Variants in LPO observed in about 807,000 individuals in gnomAD.
LPO encodes lactoperoxidase, also known as salivary peroxidase.
LPO carries 70 observed loss-of-function variants against 68.4 expected under a neutral mutation model. The observed-to-expected ratio is 1.02, with a 90% CI of 0.84 to 1.25. The LOEUF (loss-of-function observed/expected upper bound fraction) is 1.25. Ranked by LOEUF, LPO falls within the 50% of genes most tolerant of loss-of-function variation. The pLI is 0.00. For missense variants in LPO, 873 were observed against 908.4 expected, an observed-to-expected ratio of 0.96 and a Z score of 0.50; for synonymous variants, 360 against 357.6, an observed-to-expected ratio of 1.01 and a Z score of -0.08.
intron 8 of LPO, 99 bp from the exon 9 acceptor site, chr17:58,254,711 GC>G (rs1970036420): frequency 1.7e-6 from 2 of 1,165,736 alleles, no homozygotes; most frequent in Admixed American, 2.3e-5. Context: ...GGCGGGGGGG[GC>G]GGGGCGCGGT....
chr17:58,249,446 G>A, intron 5 of LPO, 120 bp from the exon 6 acceptor site: 1 of 1,413,966 alleles, frequency 7.1e-7, no homozygotes. Context: ...CCAAATTTGA[G>A]AGGCCCCCTT....
At position 58,260,874 on chromosome 17, in the gene LPO, G is replaced by A. The variant is rs189672087; in HGVS notation, c.1267-3848G>A. 2.6e-5 allele frequency among the ~76,000 whole-genome samples: 4 copies of A among 151,908 alleles called. No individual in the cohort carries two copies. The East Asian group carries it at 5.8e-4, about 22-fold the overall frequency. On this transcript the variant is annotated intron_variant, in intron 9 of 12. Transcript: ENST00000262290. ...GTAGGTATTTTTTAAGTTTCCTTTC[G>A]GACTTCATCTTTAACCTATGTATAA...
chr17:58,263,623 C>T (rs770731212), intron 9 of LPO, among the ~76,000 whole-genome samples: 4 of 152,058 alleles, frequency 2.6e-5, no homozygotes, highest in Non-Finnish European at 5.9e-5. Flanking sequence ...CCTGTGGTCT[C>T]AGCTACTTGG....
intron 3 of LPO, among the ~76,000 whole-genome samples, chr17:58,245,472 C>T (rs1218789101): frequency 2.6e-5 from 4 of 152,282 alleles, no homozygotes; most frequent in Admixed American, 2.6e-4. Flanking sequence ...AGCTCTAACC[C>T]TCTCTGCCTG....
chr17:58,256,586 T>C (rs144725234), intron 9 of LPO, among the ~76,000 whole-genome samples: 5,892 of 151,696 alleles, frequency 0.039, 386 homozygotes, highest in African/African-American at 0.13. Context: ...GAGGCTGAGG[T>C]GAGCAGATCA....
intron 9 of LPO, among the ~76,000 whole-genome samples, chr17:58,262,408 G>C (rs1027228622): frequency 1.3e-5 from 2 of 152,154 alleles, no homozygotes; most frequent in African/African-American, 4.8e-5. Context: ...TTGTTTCTTT[G>C]AGACAGAGTC....
At chr17:58,267,611 G>T in intron 12 of LPO, 25 bp downstream of exon 12, 1 of 1,578,786 alleles carries the variant, frequency 6.3e-7, no homozygotes, top group South Asian at 1.2e-5. Flanking sequence ...AGCCAGGGAG[G>T]GAAGGGCAGG....
In LPO at chr17:58,268,115, C is replaced by A; in HGVS notation, c.*121C>A. 1.9e-6 allele frequency: 2 copies of A among 1,029,552 alleles called. No individual in the cohort carries two copies. Among genetic ancestry groups the A allele is most frequent in the Non-Finnish European group, 2.8e-6 (2 of 706,666 alleles). 63.8% of individuals were successfully genotyped at this position (1,029,552 alleles called of 1,614,324 possible). ...AGCCCTTCTTTGCAGCTGGGCCTCT[C>A]TATACCCCTGGATGAACAGCTTGCT... is the stretch of plus-strand genomic sequence containing the variant. On this transcript the variant is annotated 3_prime_UTR_variant, in exon 13 of 13. Coordinates refer to ENST00000262290, the MANE Select transcript of LPO (RefSeq NM_006151.3).
In LPO at chr17:58,252,264, C is replaced by T. The variant is rs1969973035; in HGVS notation, c.863C>T (p.Pro288Leu). Reference sequence around the variant, plus strand: ...GCTGGGTTCGTCTGCCCCACTCCACCCTACAAGTCCCTGGCCCGAGAGCAG... The same window carrying T: ...GCTGGGTTCGTCTGCCCCACTCCACTCTACAAGTCCCTGGCCCGAGAGCAG... ...FRAGFVCPTP[P>L]YKSLAREQIN... is the part of the protein sequence containing the mutation. Residue 288 changes from proline (P) to leucine (L), a missense_variant, in exon 8 of 13, where the codon CCC (proline) becomes CTC (leucine). Physicochemically the swap from Pro to Leu is moderately conservative, Grantham distance 98. Transcript: ENST00000262290. 2 of 1,614,076 alleles carry T rather than the reference C, an allele frequency of 1.2e-6. No homozygotes were observed. Among genetic ancestry groups the T allele is most frequent in the Non-Finnish European group, 1.7e-6 (2 of 1,180,048 alleles).
At chr17:58,243,812 T>C (rs1204749903) in intron 2 of LPO, 182 bp from the exon 3 acceptor site, 3 of 604,364 alleles carry the variant, frequency 5.0e-6, no homozygotes, top group South Asian at 2.0e-5. Flanking sequence ...CCAAGAGTAT[T>C]CTTCCCATTC....
Position 58,250,492 on chromosome 17 carries a change from C to T in LPO, c.651C>T (p.Phe217=). Residue 217 remains phenylalanine, a synonymous_variant, in exon 7 of 13, where the codon TTC becomes TTT. Coordinates refer to ENST00000262290, the MANE Select transcript of LPO (RefSeq NM_006151.3). The part of the protein sequence containing the change: ...GVLDQNRSLL[F]MQWGQIVDHD... ...TGGACCAAAACAGGTCCCTGCTCTT[C>T]ATGCAGTGGGGTCAGATTGTGGATC... 1.2e-6 allele frequency: 2 copies of T among 1,614,186 alleles called. No individual in the cohort carries two copies. The highest frequency in any genetic ancestry group is 4.5e-5 in the East Asian group (2 of 44,878).
At chr17:58,249,002 C>T in intron 4 of LPO, 58 bp from the exon 5 acceptor site, 1 of 1,339,064 alleles carries the variant, frequency 7.5e-7, no homozygotes, top group Non-Finnish European at 1.1e-6. Flanking sequence ...TCCTGCCTCC[C>T]ACGGGTGCCT....
intron 2 of LPO, 151 bp from the exon 3 acceptor site, chr17:58,243,843 A>C: frequency 1.6e-6 from 1 of 623,454 alleles, no homozygotes; most frequent in East Asian, 2.7e-5. Context: ...CCCCTTAAGG[A>C]CTCTTATGAA....
At chr17:58,256,407 GTT>G (rs34122568) in intron 9 of LPO, among the ~76,000 whole-genome samples, 8 of 138,674 alleles carry the variant, frequency 5.8e-5, no homozygotes, top group East Asian at 2.1e-4. Flanking sequence ...ATTTTTAGGT[GTT>G]TTTTTTTTTT....
At chr17:58,250,650 C>T in intron 7 of LPO, 29 bp downstream of exon 7, 1 of 1,606,448 alleles carries the variant, frequency 6.2e-7, no homozygotes, top group Non-Finnish European at 8.5e-7. Context: ...GCATCTCTGA[C>T]TAGCCCCTTG....
At chr17:58,247,735 A>AT in intron 4 of LPO, 97 bp downstream of exon 4, 1 of 1,350,964 alleles carries the variant, frequency 7.4e-7, no homozygotes, top group East Asian at 2.3e-5. Flanking sequence ...GTTGAGAGCT[A>AT]TCTACTCAGA....
At chr17:58,258,576 ATTC>A (rs1970115714) in intron 9 of LPO, among the ~76,000 whole-genome samples, 1 of 152,076 alleles carries the variant, frequency 6.6e-6, no homozygotes, top group Non-Finnish European at 1.5e-5. Context: ...AGGTAATGTG[ATTC>A]TTCTGGTTTT....
intron 11 of LPO, among the ~76,000 whole-genome samples, chr17:58,266,878 C>G (rs996546453): frequency 2.6e-5 from 4 of 152,134 alleles, no homozygotes; most frequent in African/African-American, 9.7e-5. Context: ...AAAGAGGTCA[C>G]CAACTAACTT....
Position 58,266,211 on chromosome 17 carries a change from G to T in LPO, c.1578G>T (p.Gln526His). Reference protein sequence around the residue: ...LLAKKSKLMKQNKMMTGELRN... With the variant: ...LLAKKSKLMKHNKMMTGELRN... ...CCAAGAAATCCAAGCTGATGAAACA[G>T]AATAAAATGATGACTGGAGAGCTGC... The change falls in exon 11 of 13, where the codon CAG (glutamine) becomes CAT (histidine). Residue 526 changes from glutamine to histidine, a missense_variant. Physicochemically the swap from Gln to His is conservative, Grantham distance 24. Coordinates refer to ENST00000262290, the MANE Select transcript of LPO (RefSeq NM_006151.3). 1 of 1,614,122 alleles carries T rather than the reference G, an allele frequency of 6.2e-7. No homozygotes were observed. Among genetic ancestry groups the T allele is most frequent in the Non-Finnish European group, 8.5e-7 (1 of 1,180,032 alleles).
Sources: allele counts gnomAD v4.1 joint callset (sites outside exome capture counted in the v4.1 genomes callset), GRCh38; gene constraint gnomAD v4.1.1; transcripts MANE v1.5; gene names NCBI Gene and HGNC (gene_info 2026-07-23, HGNC 2026-07-21).